PCDHA11: variants seen among roughly 807,000 people sequenced by gnomAD.
PCDHA11 encodes protocadherin alpha-11.
A neutral mutation model predicts 70.3 loss-of-function variants in PCDHA11; 61 were observed. The observed-to-expected ratio is 0.87, with a 90% CI of 0.71 to 1.07. The LOEUF is 1.07. Among genes scored for constraint, PCDHA11 ranks in the 50% least tolerant of loss-of-function variants. The pLI is 0.00. For synonymous variants in PCDHA11, 633 were observed against 555.1 expected, an observed-to-expected ratio of 1.14 and a Z score of -1.97; for missense variants, 1,324 against 1,237.5, an observed-to-expected ratio of 1.07 and a Z score of -1.05.
chr5:140,911,605 T>C (rs2075559169), intron 1 of PCDHA11, among the ~76,000 whole-genome samples: 1 of 152,224 alleles, frequency 6.6e-6, no homozygotes, highest in Non-Finnish European at 1.5e-5. Context: ...AACTTCATTA[T>C]GTTCCTTAGT....
At chr5:140,884,130 C>A in intron 1 of PCDHA11, 1 of 1,613,434 alleles carries the variant, frequency 6.2e-7, no homozygotes, top group South Asian at 1.1e-5. Context: ...GCGCGCATCC[C>A]GTTCCGCGTG....
intron 1 of PCDHA11, chr5:140,927,539 A>G (rs1554204701): frequency 6.2e-7 from 1 of 1,614,112 alleles, no homozygotes; most frequent in Non-Finnish European, 8.5e-7. Flanking sequence ...CGCTCAGGAG[A>G]CGCACAAGTC....
At chr5:140,929,317 A>G in intron 1 of PCDHA11, 1 of 1,549,080 alleles carries the variant, frequency 6.5e-7, no homozygotes, top group South Asian at 1.2e-5. Flanking sequence ...CGCTAATGTC[A>G]ATGCCATGGT....
chr5:140,965,435 T>C (rs1327952223), intron 1 of PCDHA11, among the ~76,000 whole-genome samples: 1 of 151,992 alleles, frequency 6.6e-6, no homozygotes, highest in Non-Finnish European at 1.5e-5. Context: ...CTGCAGTCAT[T>C]GAAATTGCTG....
At chr5:140,924,572 A>G (rs1345446158) in intron 1 of PCDHA11, among the ~76,000 whole-genome samples, 1 of 152,132 alleles carries the variant, frequency 6.6e-6, no homozygotes, top group African/African-American at 2.4e-5. Flanking sequence ...CAATTTTTAA[A>G]TGTTTTCAAA....
At chr5:140,981,392 G>A (rs565370456) in intron 2 of PCDHA11, among the ~76,000 whole-genome samples, 1 of 152,208 alleles carries the variant, frequency 6.6e-6, no homozygotes, top group South Asian at 2.1e-4. Context: ...TGGTCAATAT[G>A]GTGAAAACCT....
At chr5:140,935,850 G>A (rs2090589549) in intron 1 of PCDHA11, among the ~76,000 whole-genome samples, 1 of 149,422 alleles carries the variant, frequency 6.7e-6, no homozygotes, top group South Asian at 2.1e-4. Context: ...GCTTAATGGT[G>A]TCTTTTGATT....
chr5:140,981,744 G>C (rs1586900543), intron 2 of PCDHA11, among the ~76,000 whole-genome samples: 1 of 151,900 alleles, frequency 6.6e-6, no homozygotes, highest in Admixed American at 6.6e-5. Context: ...ATTAATATGA[G>C]TTAGTATTAG....
chr5:140,933,545 A>G (rs1424166462), intron 1 of PCDHA11, among the ~76,000 whole-genome samples: 1 of 152,114 alleles, frequency 6.6e-6, no homozygotes, highest in Non-Finnish European at 1.5e-5. Flanking sequence ...TAATGTTAAT[A>G]TAAAATAAAA....
At chr5:140,966,927 C>A in intron 1 of PCDHA11, 1 of 1,603,516 alleles carries the variant, frequency 6.2e-7, no homozygotes, top group Non-Finnish European at 8.5e-7. Context: ...GAGCAGGCAC[C>A]CGGCGCGCTC....
Position 141,010,168 on chromosome 5 carries a change from C to T in PCDHA11, c.*231C>T. The T allele has an allele frequency of 6.4e-7, 1 of 1,561,094 alleles. No individual in the cohort carries two copies. On this transcript the variant is annotated 3_prime_UTR_variant, in exon 4 of 4. Coordinates refer to ENST00000398640, the MANE Select transcript of PCDHA11 (RefSeq NM_018902.5). Reference sequence around the variant, plus strand: ...TCTCCACTCTGGCTTGTTTTCAGAACCTAAAAAGCAGACCCAAGTTTCCTT... The same window carrying T: ...TCTCCACTCTGGCTTGTTTTCAGAATCTAAAAAGCAGACCCAAGTTTCCTT...
intron 1 of PCDHA11, chr5:140,926,357 A>G (rs1385567779): frequency 1.3e-5 from 2 of 152,178 alleles, no homozygotes; most frequent in Admixed American, 6.5e-5. Flanking sequence ...GCGGCTCCCA[A>G]AGGGCGGCAG....
rs533936031 is a variant in PCDHA11, at chr5:140,883,438, G to A, written c.2391+11944G>A. 14 of 1,614,132 alleles carry A rather than the reference G, an allele frequency of 8.7e-6. No individual in the cohort carries two copies. The South Asian group carries it at 1.3e-4, about 15-fold the overall frequency. ...ATGGACAGGTCACCTGCACCTTGAC[G>A]CCGCATGTCCCCTTCAAGCTGGTGT... On this transcript the variant is annotated intron_variant, in intron 1 of 3. Coordinates refer to ENST00000398640, the MANE Select transcript of PCDHA11 (RefSeq NM_018902.5).
chr5:140,961,366 C>A (rs1384222732), intron 1 of PCDHA11, among the ~76,000 whole-genome samples: 2 of 152,144 alleles, frequency 1.3e-5, no homozygotes, highest in Non-Finnish European at 2.9e-5. Context: ...CATTAGAATT[C>A]TCCTTCTAGT....
chr5:141,001,381 A>G (rs1213919091), intron 3 of PCDHA11, among the ~76,000 whole-genome samples: 1 of 152,218 alleles, frequency 6.6e-6, no homozygotes, highest in Non-Finnish European at 1.5e-5. Context: ...TACAGAGCCT[A>G]AGATCCTACA....
At chr5:140,967,029 G>T in intron 1 of PCDHA11, 1 of 1,609,056 alleles carries the variant, frequency 6.2e-7, no homozygotes, top group Non-Finnish European at 8.5e-7. Context: ...CCCAGTCCGC[G>T]CTACCTGGAG....
chr5:140,891,921 C>G (rs1405172226), intron 1 of PCDHA11, among the ~76,000 whole-genome samples: 1 of 152,234 alleles, frequency 6.6e-6, no homozygotes, highest in African/African-American at 2.4e-5. Flanking sequence ...ATGCTGGTGC[C>G]TTGATCTTGG....
At chr5:140,964,417 C>T (rs1279243450) in intron 1 of PCDHA11, among the ~76,000 whole-genome samples, 15 of 152,088 alleles carry the variant, frequency 9.9e-5, no homozygotes, top group Admixed American at 9.8e-4. Context: ...TGGGGGCTTC[C>T]ATTAAAAAAT....
chr5:140,883,443 A>G (rs2059611817), intron 1 of PCDHA11: 1 of 1,614,136 alleles, frequency 6.2e-7, no homozygotes. Flanking sequence ...TTGACGCCGC[A>G]TGTCCCCTTC....
Sources: gnomAD v4.1 joint callset for allele counts (sites outside exome capture counted in the v4.1 genomes callset) on GRCh38, gnomAD v4.1.1 for gene constraint, MANE v1.5 for transcripts, NCBI Gene and HGNC (gene_info 2026-07-23, HGNC 2026-07-21) for gene names.